The following SIPA1L2 variants were observed in gnomAD, a reference collection of about 807,000 sequenced individuals.
SIPA1L2 encodes the protein signal-induced proliferation-associated 1-like protein 2.
Under a neutral mutation model 163.9 loss-of-function variants are expected in SIPA1L2, and 56 were observed. The ratio of observed to expected loss-of-function variants is 0.34; its 90% confidence interval spans 0.28 to 0.43. SIPA1L2 has a LOEUF of 0.43. Ranked by LOEUF, SIPA1L2 falls within the 20% of genes least tolerant of loss-of-function variation. The pLI is 1.00. For synonymous variants in SIPA1L2, 877 were observed against 865.7 expected, an observed-to-expected ratio of 1.01 and a Z score of -0.23; for missense variants, 1,974 against 2,193.5, an observed-to-expected ratio of 0.90 and a Z score of 2.00.
chr1:232,484,756 T>A (rs1290009696), intron 5 of SIPA1L2, among the ~76,000 whole-genome samples: 1 of 152,084 alleles, frequency 6.6e-6, no homozygotes, highest in Non-Finnish European at 1.5e-5. Flanking sequence ...CTTTCTTATG[T>A]CCCCCAAAGA....
At chr1:232,621,660 G>A (rs1232163842) in intron 1 of SIPA1L2, among the ~76,000 whole-genome samples, 3 of 152,068 alleles carry the variant, frequency 2.0e-5, no homozygotes, top group Admixed American at 6.6e-5. Context: ...TCGCCTTTAA[G>A]AATATCTCTC....
chr1:232,403,989 G>C, intron 20 of SIPA1L2, 136 bp downstream of exon 20: 1 of 917,394 alleles, frequency 1.1e-6, no homozygotes, highest in Non-Finnish European at 1.7e-6. Flanking sequence ...TCTGGAGACA[G>C]AACAGCCAGG....
chr1:232,477,594 T>C (rs1355306534), intron 7 of SIPA1L2, among the ~76,000 whole-genome samples: 1 of 152,148 alleles, frequency 6.6e-6, no homozygotes, highest in East Asian at 1.9e-4. Context: ...ACTTTCCAGT[T>C]GGGGAAGTTT....
At chr1:232,557,851 G>C (rs1284627871) in intron 2 of SIPA1L2, among the ~76,000 whole-genome samples, 1 of 152,212 alleles carries the variant, frequency 6.6e-6, no homozygotes, top group African/African-American at 2.4e-5. Flanking sequence ...GGCATGTGCT[G>C]AGAAGTGTCA....
At chr1:232,582,770 A>G (rs1490899130) in intron 1 of SIPA1L2, among the ~76,000 whole-genome samples, 2 of 152,176 alleles carry the variant, frequency 1.3e-5, no homozygotes, top group East Asian at 3.9e-4. Flanking sequence ...TCCCCCCAAC[A>G]GTGTATAAGG....
Position 232,552,595 on chromosome 1 carries a change from C to T in SIPA1L2, c.-270+21579G>A, listed in dbSNP as rs200914674. On this transcript the variant is annotated intron_variant, in intron 2 of 22. Transcript: ENST00000674635. The stretch of plus-strand genomic sequence containing the variant: ...CTGTTGCCCAGGTTGGTCTTGAACT[C>T]CTGGGCTCAAGTGATCCTTCCACCT... Among the ~76,000 whole-genome samples, 3 of 152,044 alleles carry T rather than the reference C, an allele frequency of 2.0e-5. No individual in the cohort carries two copies. In the East Asian group the frequency reaches 5.8e-4, roughly 30 times the overall value.
intron 8 of SIPA1L2, among the ~76,000 whole-genome samples, chr1:232,469,803 C>A (rs1242536702): frequency 6.6e-6 from 1 of 150,830 alleles, no homozygotes; most frequent in African/African-American, 2.4e-5. Context: ...ACATTTATTT[C>A]TTTTAGGTTT....
chr1:232,559,804 G>T (rs1038656575), intron 2 of SIPA1L2, among the ~76,000 whole-genome samples: 1 of 152,170 alleles, frequency 6.6e-6, no homozygotes, highest in African/African-American at 2.4e-5. Context: ...ATAAGTAAAT[G>T]AAGATTAGTG....
chr1:232,484,096 A>T, intron 5 of SIPA1L2, 130 bp from the exon 6 acceptor site: 2 of 809,730 alleles, frequency 2.5e-6, no homozygotes, highest in Non-Finnish European at 3.7e-6. Flanking sequence ...TAAGTGAATA[A>T]GCAAAAGAGT....
intron 7 of SIPA1L2, among the ~76,000 whole-genome samples, chr1:232,472,506 A>G (rs927069387): frequency 6.6e-6 from 1 of 152,250 alleles, no homozygotes. Flanking sequence ...CACATTATGC[A>G]TTAAAATTGT....
Position 232,477,809 on chromosome 1 carries a change from C to T in SIPA1L2, c.2085+1818G>A, listed in dbSNP as rs529747741. 4.7e-4 allele frequency among the ~76,000 whole-genome samples: 71 copies of T among 152,202 alleles called. 1 individual carries two copies. The highest frequency in any genetic ancestry group is 7.5e-4 in the Non-Finnish European group (51 of 68,034). ...TTTTGAGTTGTGGTAAAAGCAAAGA[C>T]TTCAAATCTCTGGAGGTTGCCACAT... On this transcript the variant is annotated intron_variant, in intron 7 of 22. Coordinates refer to ENST00000674635, the MANE Select transcript of SIPA1L2 (RefSeq NM_020808.5).
intron 2 of SIPA1L2, among the ~76,000 whole-genome samples, chr1:232,559,161 C>T (rs2102739753): frequency 6.6e-6 from 1 of 152,314 alleles, no homozygotes; most frequent in South Asian, 2.1e-4. Context: ...CAGAGCTCAG[C>T]TTCCTTCCTG....
intron 8 of SIPA1L2, among the ~76,000 whole-genome samples, chr1:232,470,184 G>C (rs1197981431): frequency 6.6e-6 from 1 of 152,154 alleles, no homozygotes; most frequent in Non-Finnish European, 1.5e-5. Flanking sequence ...CATTTGTATA[G>C]AGTAGATACT....
chr1:232,613,005 C>T (rs112082266), intron 1 of SIPA1L2, among the ~76,000 whole-genome samples: 18 of 152,262 alleles, frequency 1.2e-4, no homozygotes, highest in Admixed American at 9.8e-4. Context: ...TCTCGTGGTA[C>T]TGAATAAGTC....
chr1:232,587,246 G>A (rs910786819), intron 1 of SIPA1L2, among the ~76,000 whole-genome samples: 11 of 152,140 alleles, frequency 7.2e-5, no homozygotes, highest in African/African-American at 2.7e-4. Context: ...CAGGACACAG[G>A]AGTCAACAGC....
At chr1:232,403,666 TC>T in intron 20 of SIPA1L2, 95 bp from the exon 21 acceptor site, 2 of 1,452,144 alleles carry the variant, frequency 1.4e-6, no homozygotes, top group Non-Finnish European at 9.2e-7. Context: ...TAAAATCTTT[TC>T]CCCCCTTCAA....
chr1:232,542,482 G>A (rs942565333), intron 2 of SIPA1L2, among the ~76,000 whole-genome samples: 1 of 152,170 alleles, frequency 6.6e-6, no homozygotes, highest in East Asian at 1.9e-4. Context: ...CAGGGTACCA[G>A]AATAACCTTC....
At chr1:232,619,667 G>C (rs1662692506) in intron 1 of SIPA1L2, among the ~76,000 whole-genome samples, 1 of 152,168 alleles carries the variant, frequency 6.6e-6, no homozygotes, top group African/African-American at 2.4e-5. Context: ...CTGTCCTCAG[G>C]GGTCTCACAC....
At chr1:232,482,970 T>C (rs897927485) in intron 6 of SIPA1L2, among the ~76,000 whole-genome samples, 2 of 152,238 alleles carry the variant, frequency 1.3e-5, no homozygotes, top group Non-Finnish European at 2.9e-5. Flanking sequence ...ACTTAGTTGT[T>C]TGATAATAAG....
Sources: gnomAD v4.1 joint callset for allele counts (sites outside exome capture counted in the v4.1 genomes callset) on GRCh38, gnomAD v4.1.1 for gene constraint, MANE v1.5 for transcripts, NCBI Gene and HGNC (gene_info 2026-07-23, HGNC 2026-07-21) for gene names.